NRG3: variants seen among roughly 807,000 people sequenced by gnomAD.
The protein encoded by NRG3 is pro-neuregulin-3, membrane-bound isoform.
NRG3 carries 31 observed loss-of-function variants against 66.9 expected under a neutral mutation model. The ratio of observed to expected loss-of-function variants is 0.46; its 90% CI spans 0.35 to 0.63. The LOEUF (loss-of-function observed/expected upper bound fraction) is 0.63, where lower values mean the gene tolerates loss of function less well. Among genes scored for constraint, NRG3 ranks in the 20% least tolerant of loss-of-function variants. The probability of loss-of-function intolerance (pLI) is 0.00; values close to 1 mark genes in which losing one functional copy is unlikely to be tolerated. For synonymous variants in NRG3, 393 were observed against 359.4 expected, an observed-to-expected ratio of 1.09 and a Z score of -1.06; for missense variants, 910 against 878.9, an observed-to-expected ratio of 1.04 and a Z score of -0.45.
intron 2 of NRG3, among the ~76,000 whole-genome samples, chr10:82,550,879 A>C (rs566321596): frequency 6.6e-6 from 1 of 152,276 alleles, no homozygotes; most frequent in East Asian, 1.9e-4. Flanking sequence ...ATGCTGCAGA[A>C]ATACAGAAGA....
intron 1 of NRG3, among the ~76,000 whole-genome samples, chr10:81,884,762 CT>C (rs1353683733): frequency 1.3e-5 from 2 of 152,072 alleles, no homozygotes; most frequent in Admixed American, 1.3e-4. Flanking sequence ...CTATTCCCCC[CT>C]GGAATACCAA....
chr10:82,200,120 T>A (rs1357807383), intron 1 of NRG3, among the ~76,000 whole-genome samples: 1 of 152,212 alleles, frequency 6.6e-6, no homozygotes, highest in East Asian at 1.9e-4. Flanking sequence ...CTATTCTAAG[T>A]ACTGGAAATA....
intron 1 of NRG3, among the ~76,000 whole-genome samples, chr10:82,018,417 T>G (rs995244601): frequency 3.6e-4 from 54 of 152,098 alleles, no homozygotes; most frequent in African/African-American, 2.4e-4. Flanking sequence ...TGGCGATGCG[T>G]GCTCTTTTTT....
rs79499764 is a variant in NRG3, at chr10:82,015,284, C to T, written c.823+139121C>T. Among the ~76,000 whole-genome samples, 81 of 152,234 alleles carry T rather than the reference C, an allele frequency of 5.3e-4. No homozygotes were observed. In the East Asian group the frequency reaches 0.014, roughly 27 times the overall value. On this transcript the variant is annotated intron_variant, in intron 1 of 8. Transcript: ENST00000372141. The stretch of plus-strand genomic sequence containing the variant: ...AGATTTTGAAAGCAAACCTTTGGAA[C>T]ATGTAATGTATTTGAAGATACTTTT...
At chr10:82,587,222 G>A (rs1832071527) in intron 2 of NRG3, among the ~76,000 whole-genome samples, 1 of 152,094 alleles carries the variant, frequency 6.6e-6, no homozygotes, top group Non-Finnish European at 1.5e-5. Context: ...CATTAAAATA[G>A]TCATTAAGGA....
intron 6 of NRG3, among the ~76,000 whole-genome samples, chr10:82,965,410 A>G (rs1390731442): frequency 1.3e-5 from 2 of 152,202 alleles, no homozygotes; most frequent in Non-Finnish European, 2.9e-5. Flanking sequence ...TGTCTCGGAG[A>G]TAGAACTGCA....
chr10:81,875,458 G>A lies in NRG3; in HGVS notation c.118G>A (p.Gly40Ser), dbSNP rs1443700215. 9.7e-6 allele frequency: 12 copies of A among 1,237,070 alleles called. No individual in the cohort carries two copies. The highest frequency in any genetic ancestry group is 1.2e-5 in the Non-Finnish European group (12 of 989,638). 76.6% of individuals were successfully genotyped at this position (1,237,070 alleles called of 1,614,324 possible). ...AAAAAGGGPD[G>S]GGEGAAEPPR... Reference sequence around the variant, plus strand: ...GGCAGCGGCGGGCGGGGGCCCGGACGGCGGCGGCGAAGGGGCGGCCGAGCC... The same window carrying A: ...GGCAGCGGCGGGCGGGGGCCCGGACAGCGGCGGCGAAGGGGCGGCCGAGCC... The change falls in exon 1 of 9, where the codon GGC (glycine) becomes AGC (serine). Residue 40 changes from glycine (G) to serine (S), a missense_variant. Gly to Ser is a moderately conservative substitution (Grantham distance 56). Coordinates refer to ENST00000372141, the MANE Select transcript of NRG3 (RefSeq NM_001010848.4). The surrounding 1 kb of genome is among the most constrained non-coding windows in gnomAD (Gnocchi z 5.3).
At chr10:82,476,520 G>C (rs1270083975) in intron 2 of NRG3, among the ~76,000 whole-genome samples, 1 of 152,124 alleles carries the variant, frequency 6.6e-6, no homozygotes, top group African/African-American at 2.4e-5. Context: ...ATATTGTTCA[G>C]CCTTAAAAAG....
At chr10:82,409,019 G>A (rs2087837078) in intron 2 of NRG3, among the ~76,000 whole-genome samples, 2 of 152,092 alleles carry the variant, frequency 1.3e-5, no homozygotes, top group African/African-American at 2.4e-5. Context: ...ATGATAGATG[G>A]GGAAACCTAG....
chr10:82,771,112 AG>A lies in NRG3; in HGVS notation c.1027+32464del, dbSNP rs1159226301. 1.2e-4 allele frequency among the ~76,000 whole-genome samples: 18 copies of A among 152,294 alleles called. No individual in the cohort carries two copies. In the East Asian group the frequency reaches 1.4e-3, roughly 11 times the overall value. ...TCAGTACAACCAGCTAGGGTGAGTT[AG>A]GATGAAGCAAAGGGTGCCAGGCAGA... On this transcript the variant is annotated intron_variant, in intron 3 of 8. Transcript: ENST00000372141.
intron 1 of NRG3, among the ~76,000 whole-genome samples, chr10:82,173,902 T>C (rs2072829870): frequency 6.6e-6 from 1 of 152,146 alleles, no homozygotes; most frequent in Admixed American, 6.6e-5. Flanking sequence ...AAGTAATTTA[T>C]TTGCTTCAAG....
chr10:82,032,702 G>A (rs12248317), intron 1 of NRG3, among the ~76,000 whole-genome samples: 13,811 of 151,960 alleles, frequency 0.091, 2,067 homozygotes, highest in African/African-American at 0.31. Flanking sequence ...ATATTTTAAG[G>A]ATGATAATAG....
At chr10:82,606,524 G>T (rs563240907) in intron 2 of NRG3, among the ~76,000 whole-genome samples, 1 of 152,264 alleles carries the variant, frequency 6.6e-6, no homozygotes, top group East Asian at 1.9e-4. Context: ...ATGACAATTA[G>T]ATCTAGTTGA....
chr10:82,361,360 A>G (rs977869469), intron 2 of NRG3, among the ~76,000 whole-genome samples: 5 of 152,212 alleles, frequency 3.3e-5, no homozygotes, highest in African/African-American at 1.2e-4. Flanking sequence ...GAGTAGGTTA[A>G]TAGATGCCTA....
intron 2 of NRG3, among the ~76,000 whole-genome samples, chr10:82,543,208 A>G (rs1444676117): frequency 6.6e-6 from 1 of 152,066 alleles, no homozygotes; most frequent in African/African-American, 2.4e-5. Flanking sequence ...ATTTTTTACT[A>G]TAAAGCTGAT....
chr10:82,192,582 C>G (rs982481624), intron 1 of NRG3, among the ~76,000 whole-genome samples: 5 of 152,174 alleles, frequency 3.3e-5, no homozygotes, highest in Admixed American at 1.3e-4. Context: ...CCTGCAGTTC[C>G]TGAGGCACAT....
chr10:82,677,322 C>T (rs994798215), intron 2 of NRG3, among the ~76,000 whole-genome samples: 14 of 151,264 alleles, frequency 9.3e-5, no homozygotes, highest in Admixed American at 8.5e-4. Flanking sequence ...ATTATAGGCG[C>T]GAGCCACTAC....
At chr10:82,905,910 C>T (rs1844691956) in intron 4 of NRG3, among the ~76,000 whole-genome samples, 3 of 152,148 alleles carry the variant, frequency 2.0e-5, no homozygotes, top group African/African-American at 4.8e-5. Context: ...TTGCTTCTAA[C>T]CACATTCCTG....
At chr10:81,939,420 A>AT (rs569420406) in intron 1 of NRG3, among the ~76,000 whole-genome samples, 216 of 151,218 alleles carry the variant, frequency 1.4e-3, no homozygotes, top group South Asian at 7.3e-3. Context: ...TTGTTAGGAG[A>AT]TTTTTTTATT....
Sources: gnomAD v4.1 joint callset for allele counts (sites outside exome capture counted in the v4.1 genomes callset) on GRCh38, gnomAD v4.1.1 for gene constraint, Gnocchi (gnomAD v3.1) non-coding constraint, MANE v1.5 for transcripts, NCBI Gene and HGNC (gene_info 2026-07-23, HGNC 2026-07-21) for gene names.